The following TENM2 variants were observed in gnomAD, a reference collection of about 807,000 sequenced individuals.
TENM2 encodes the protein teneurin transmembrane protein 2.
Under a neutral mutation model 245.2 loss-of-function variants are expected in TENM2, and 52 were observed. The ratio of observed to expected loss-of-function variants is 0.21; its 90% CI spans 0.17 to 0.27. The LOEUF (loss-of-function observed/expected upper bound fraction) is 0.27. Among genes scored for constraint, TENM2 ranks in the 10% least tolerant of loss-of-function variants. The pLI is 1.00. For missense variants in TENM2, 3,046 were observed against 3,666.8 expected, an observed-to-expected ratio of 0.83 and a Z score of 4.37; for synonymous variants, 1,363 against 1,438.9, an observed-to-expected ratio of 0.95 and a Z score of 1.19.
At chr5:167,886,857 C>T (rs1479447062) in intron 3 of TENM2, among the ~76,000 whole-genome samples, 1 of 152,168 alleles carries the variant, frequency 6.6e-6, no homozygotes, top group Non-Finnish European at 1.5e-5. Flanking sequence ...TTGATCAGGG[C>T]CGATGTGTTT....
intron 13 of TENM2, chr5:168,187,061 G>A (rs1465343192): frequency 6.6e-6 from 1 of 152,168 alleles, no homozygotes; most frequent in African/African-American, 2.4e-5. Flanking sequence ...ACTTAATAAC[G>A]GGTAGAACCC....
At chr5:168,121,239 C>G (rs188051038) in intron 10 of TENM2, among the ~76,000 whole-genome samples, 8 of 152,246 alleles carry the variant, frequency 5.3e-5, no homozygotes, top group Non-Finnish European at 1.2e-4. Flanking sequence ...GCTGATGTTT[C>G]GAGGCACATG....
Position 168,244,761 on chromosome 5 carries a change from C to G in TENM2, c.5817+45C>G, listed in dbSNP as rs752431318. Reference sequence around the variant, plus strand: ...TGACAGCAAGGGCTTTCTGTTATTTCTGTTATTCCGGCTTCTTTTTTTTTT... The same window carrying G: ...TGACAGCAAGGGCTTTCTGTTATTTGTGTTATTCCGGCTTCTTTTTTTTTT... On this transcript the variant is annotated intron_variant, in intron 26 of 28. Transcript: ENST00000518659. This position sits in a 1 kb window ranked among gnomAD's most constrained non-coding sequence, Gnocchi z 4.9. 7.3e-7 allele frequency: 1 copy of G among 1,364,596 alleles called. No individual in the cohort carries two copies. Among genetic ancestry groups the G allele is most frequent in the East Asian group, 2.7e-5 (1 of 37,442 alleles). The allele number at this position is 1,364,596 out of a possible 1,614,324, so 84.5% of individuals were successfully genotyped here.
chr5:167,574,822 T>G (rs921540730), intron 2 of TENM2, among the ~76,000 whole-genome samples: 3 of 152,288 alleles, frequency 2.0e-5, no homozygotes, highest in Middle Eastern at 6.8e-3. Flanking sequence ...CATATGGATT[T>G]TCATTGTACG....
At chr5:167,089,701 A>G in the TENM2 span, among the ~76,000 whole-genome samples, 3 of 152,202 alleles carry the variant, frequency 2.0e-5, no homozygotes, top group Admixed American at 6.6e-5. Flanking sequence ...TGCATTACAT[A>G]TATTATCAAG....
At chr5:167,940,915 T>C (rs1045829740) in intron 3 of TENM2, among the ~76,000 whole-genome samples, 1 of 152,202 alleles carries the variant, frequency 6.6e-6, no homozygotes, top group African/African-American at 2.4e-5. Context: ...GACTACACTA[T>C]TAAAGTGTCA....
chr5:168,216,658 T>A, intron 21 of TENM2, 110 bp from the exon 24 acceptor site: 1 of 1,004,474 alleles, frequency 1.0e-6, no homozygotes, highest in Admixed American at 2.0e-5. Flanking sequence ...TCAATTCCAG[T>A]AAGGTCTCTG....
chr5:167,631,909 C>A (rs1778903716), intron 2 of TENM2, among the ~76,000 whole-genome samples: 1 of 152,160 alleles, frequency 6.6e-6, no homozygotes, highest in Non-Finnish European at 1.5e-5. Context: ...GCCCCTCTCT[C>A]TTGATTGTGA....
At chr5:167,299,913 A>C (rs1188649621) in intron 1 of TENM2, among the ~76,000 whole-genome samples, 1 of 152,184 alleles carries the variant, frequency 6.6e-6, no homozygotes, top group Admixed American at 6.5e-5. Flanking sequence ...GGTGGGAGGA[A>C]GAAAAGATTT....
At chr5:167,204,043 G>T in the TENM2 span, among the ~76,000 whole-genome samples, 46 of 152,208 alleles carry the variant, frequency 3.0e-4, no homozygotes, top group African/African-American at 1.1e-3. Flanking sequence ...GTTCATATCT[G>T]CACTGGAAGG....
chr5:167,586,721 T>G (rs868341462), intron 2 of TENM2, among the ~76,000 whole-genome samples: 1 of 152,226 alleles, frequency 6.6e-6, no homozygotes, highest in African/African-American at 2.4e-5. Context: ...ATTCTATTAG[T>G]AGAGAATTAT....
intron 9 of TENM2, among the ~76,000 whole-genome samples, chr5:168,102,977 C>A (rs1169693078): frequency 1.3e-5 from 2 of 151,932 alleles, no homozygotes; most frequent in Non-Finnish European, 2.9e-5. Context: ...TGTGCTGCAC[C>A]CATTAACTCA....
chr5:167,694,204 G>A (rs767418621), intron 2 of TENM2, among the ~76,000 whole-genome samples: 15 of 152,050 alleles, frequency 9.9e-5, no homozygotes, highest in Non-Finnish European at 2.2e-4. Context: ...TTAACATCTT[G>A]TGGCTATCAA....
intron 9 of TENM2, among the ~76,000 whole-genome samples, chr5:168,116,280 T>A (rs1418860472): frequency 2.6e-5 from 4 of 152,096 alleles, no homozygotes; most frequent in Admixed American, 6.5e-5. Flanking sequence ...CTCATTCTTC[T>A]CCTCTGGTAA....
chr5:168,247,200 C>T lies in TENM2; in HGVS notation c.6261C>T (p.Ala2087=). 1 of 1,613,898 alleles carries T rather than the reference C, an allele frequency of 6.2e-7. No individual in the cohort carries two copies. The highest frequency in any genetic ancestry group is 1.7e-5 in the Admixed American group (1 of 60,002). Residue 2087 remains alanine, a synonymous_variant, in exon 27 of 29, where the codon GCC becomes GCT. Transcript: ENST00000518659. The surrounding 1 kb of genome is among the most constrained non-coding windows in gnomAD (Gnocchi z 7.8). ...TCTCCGAGGAAGGCATGGTCAATGC[C>T]AGGTTTGACTACACCTATCATGACA...
At chr5:167,812,046 G>A (rs1005917592) in intron 2 of TENM2, among the ~76,000 whole-genome samples, 4 of 152,148 alleles carry the variant, frequency 2.6e-5, no homozygotes, top group Non-Finnish European at 2.9e-5. Context: ...AATGCATCTT[G>A]AAGGATGGAT....
intron 2 of TENM2, among the ~76,000 whole-genome samples, chr5:167,662,413 GT>G (rs1478903146): frequency 6.6e-6 from 1 of 152,092 alleles, no homozygotes; most frequent in African/African-American, 2.4e-5. Flanking sequence ...AAGTGGCGTG[GT>G]TTGCTTAATA....
intron 24 of TENM2, 72 bp from the exon 27 acceptor site, chr5:168,227,823 G>A: frequency 9.7e-7 from 1 of 1,031,772 alleles, no homozygotes; most frequent in Non-Finnish European, 1.4e-6. Flanking sequence ...AAAAATAGGG[G>A]TTCTATTCTC....
chr5:167,367,548 T>C (rs1481331587), intron 1 of TENM2, among the ~76,000 whole-genome samples: 2 of 152,130 alleles, frequency 1.3e-5, no homozygotes, highest in Non-Finnish European at 2.9e-5. Context: ...TGAAGACTTT[T>C]AGGATATACA....
Sources: allele counts gnomAD v4.1 joint callset (sites outside exome capture counted in the v4.1 genomes callset), GRCh38; gene constraint gnomAD v4.1.1; non-coding constraint Gnocchi (gnomAD v3.1); transcripts MANE v1.5; gene names NCBI Gene and HGNC (gene_info 2026-07-23, HGNC 2026-07-21).